The following KCNQ1 variants were observed in gnomAD, a reference collection of about 807,000 sequenced individuals.
The protein encoded by KCNQ1 is potassium voltage-gated channel subfamily Q member 1.
In KCNQ1, 49 loss-of-function variants were observed where a neutral mutation model predicts 72.4. That is an observed-to-expected ratio of 0.68 (90% CI 0.54 to 0.86). KCNQ1 has a LOEUF of 0.86. Ranked by LOEUF, KCNQ1 falls within the 40% of genes least tolerant of loss-of-function variation. The probability of loss-of-function intolerance (pLI) is 0.00; values close to 1 mark genes in which losing one functional copy is unlikely to be tolerated. For synonymous variants in KCNQ1, 450 were observed against 412.6 expected (o/e 1.09, Z -1.10); for missense variants, 790 against 945.1 (o/e 0.84, Z 2.15).
rs1847775118 is a variant in KCNQ1, at chr11:2,538,688, G to A, written c.477+10670G>A. Among the ~76,000 whole-genome samples the A allele has an allele frequency of 6.6e-6, 1 of 151,878 alleles. No individual in the cohort carries two copies. Among genetic ancestry groups the A allele is most frequent in the Non-Finnish European group, 1.5e-5 (1 of 67,972 alleles). ...GAGTATACGGGGCCTTGTGTGTGGA[G>A]GGGCCCTACGGTGAATCGTTTTCTG... On this transcript the variant is annotated intron_variant, in intron 2 of 15. Transcript: ENST00000155840. This position sits in a 1 kb window ranked among gnomAD's most constrained non-coding sequence, Gnocchi z 6.7.
intron 15 of KCNQ1, among the ~76,000 whole-genome samples, chr11:2,801,380 G>A (rs891379212): frequency 2.0e-5 from 3 of 152,216 alleles, no homozygotes; most frequent in African/African-American, 7.2e-5. Flanking sequence ...CAGCAGCAAA[G>A]GCTTCAGACC....
intron 15 of KCNQ1, among the ~76,000 whole-genome samples, chr11:2,791,901 G>T (rs760614052): frequency 6.6e-6 from 1 of 152,240 alleles, no homozygotes; most frequent in African/African-American, 2.4e-5. Flanking sequence ...CGCGGCGCAC[G>T]GCCGTCCCTG....
At chr11:2,660,600 A>G (rs1260129075) in intron 10 of KCNQ1, 3 of 398,522 alleles carry the variant, frequency 7.5e-6, no homozygotes, top group Non-Finnish European at 1.3e-5. Flanking sequence ...GAGGAAACCC[A>G]AACAGATGCC....
At chr11:2,731,846 C>T (rs772258223) in intron 11 of KCNQ1, among the ~76,000 whole-genome samples, 3 of 152,252 alleles carry the variant, frequency 2.0e-5, no homozygotes, top group Non-Finnish European at 4.4e-5. Context: ...CGTCTGATCA[C>T]ACCACTGCAG....
chr11:2,623,375 T>C lies in KCNQ1; in HGVS notation c.1393+34521T>C. 2.5e-6 allele frequency: 1 copy of C among 398,622 alleles called. No homozygotes were observed. Among genetic ancestry groups the C allele is most frequent in the Non-Finnish European group, 4.4e-6 (1 of 226,056 alleles). The allele number at this position is 398,622 out of a possible 1,614,324, so 24.7% of individuals were successfully genotyped here. Reference sequence around the variant, plus strand: ...TCATACAGATACGTATATTTACATATATTTGTACATTTTCACTGCCCTAAA... The same window carrying C: ...TCATACAGATACGTATATTTACATACATTTGTACATTTTCACTGCCCTAAA... On this transcript the variant is annotated intron_variant, in intron 10 of 15. Transcript: ENST00000155840. The surrounding 1 kb of genome is among the most constrained non-coding windows in gnomAD (Gnocchi z 5.2).
intron 9 of KCNQ1, among the ~76,000 whole-genome samples, chr11:2,587,920 G>A (rs1051757234): frequency 3.3e-5 from 5 of 152,314 alleles, no homozygotes; most frequent in East Asian, 3.9e-4. Context: ...CAGGGCCAGG[G>A]CATGAGAGCT....
In KCNQ1 at chr11:2,676,191, G is replaced by A. The variant is rs1850291214; in HGVS notation, c.1514+14110G>A. ...TGCCTTTGACTTCTTCCATAGGTAT[G>A]CCATACTTCTTTTTGAGCTGTACAT... On this transcript the variant is annotated intron_variant, in intron 11 of 15. Transcript: ENST00000155840. This position sits in a 1 kb window ranked among gnomAD's most constrained non-coding sequence, Gnocchi z 4.2. 1 of 398,666 alleles carries A rather than the reference G, an allele frequency of 2.5e-6. No individual in the cohort carries two copies. The highest frequency in any genetic ancestry group is 4.4e-6 in the Non-Finnish European group (1 of 226,076). The allele number at this position is 398,666 out of a possible 1,614,324, so 24.7% of individuals were successfully genotyped here.
chr11:2,796,986 T>C (rs1005056968), intron 15 of KCNQ1, among the ~76,000 whole-genome samples: 8 of 152,106 alleles, frequency 5.3e-5, no homozygotes, highest in African/African-American at 1.9e-4. Context: ...AGAGGCGAAA[T>C]TAGATCCGTG....
At chr11:2,520,248 G>C (rs1847358618) in intron 1 of KCNQ1, among the ~76,000 whole-genome samples, 2 of 152,244 alleles carry the variant, frequency 1.3e-5, no homozygotes, top group Non-Finnish European at 2.9e-5. Context: ...GACCAGACGT[G>C]CCTCACCAGG....
Position 2,505,220 on chromosome 11 carries a change from G to GC in KCNQ1, c.387-22702dup, listed in dbSNP as rs562756198. Among the ~76,000 whole-genome samples, 381 of 151,962 alleles carry GC rather than the reference G, an allele frequency of 2.5e-3. 1 individual carries two copies. Among genetic ancestry groups the GC allele is most frequent in the African/African-American group, 9.0e-3 (372 of 41,454 alleles). On this transcript the variant is annotated intron_variant, in intron 1 of 15. Coordinates refer to ENST00000155840, the MANE Select transcript of KCNQ1 (RefSeq NM_000218.3). ...TTATTCTGATGCTCTCTCTCCCTCT[G>GC]CCCCCCTTTTTCTTTGATTCATTGG...
At chr11:2,594,637 C>T (rs867070684) in intron 10 of KCNQ1, among the ~76,000 whole-genome samples, 2 of 152,174 alleles carry the variant, frequency 1.3e-5, no homozygotes, top group African/African-American at 4.8e-5. Context: ...CAGTTTCTAA[C>T]TCTTGAGATG....
intron 15 of KCNQ1, among the ~76,000 whole-genome samples, chr11:2,778,608 CACCCTGGGAGCTGCCGGGGGATCTG>C (rs1176672250): frequency 1.3e-5 from 2 of 150,874 alleles, no homozygotes; most frequent in Admixed American, 1.3e-4. Context: ...CTCCCCCAGG[CACCCTGGGAGCTGCCGGGGGATCTG>C]GGCGGTGGGA....
intron 11 of KCNQ1, among the ~76,000 whole-genome samples, chr11:2,714,562 A>C (rs532701064): frequency 6.6e-6 from 1 of 152,012 alleles, no homozygotes; most frequent in East Asian, 2.0e-4. Context: ...TCACAGCTGC[A>C]GGGAGTGTTG....
rs1364236499 is a variant in KCNQ1, at chr11:2,621,300, T to C, written c.1393+32446T>C. The C allele has an allele frequency of 1.0e-5, 4 of 398,432 alleles. No homozygotes were observed. The highest frequency in any genetic ancestry group is 8.2e-5 in the African/African-American group (4 of 48,630). 24.7% of individuals were successfully genotyped at this position (398,432 alleles called of 1,614,324 possible). A position where few individuals can be genotyped will look rare whatever the true frequency, so the allele number is the denominator to read the frequency against. On this transcript the variant is annotated intron_variant, in intron 10 of 15. Transcript: ENST00000155840. This position sits in a 1 kb window ranked among gnomAD's most constrained non-coding sequence, Gnocchi z 5.7. ...GCCTCATTATTTGCATTTCTGATTATTAGTGATCATGAGAATGTTTTTTTG... is the reference window on the plus strand; with the variant it reads ...GCCTCATTATTTGCATTTCTGATTACTAGTGATCATGAGAATGTTTTTTTG...
chr11:2,576,322 T>C (rs561342387), intron 6 of KCNQ1, among the ~76,000 whole-genome samples: 212 of 152,304 alleles, frequency 1.4e-3, no homozygotes, highest in African/African-American at 4.7e-3. Context: ...GCAACTTGGA[T>C]GTGAGAACTC....
chr11:2,675,977 C>A, intron 11 of KCNQ1: 1 of 398,642 alleles, frequency 2.5e-6, no homozygotes, highest in Non-Finnish European at 4.4e-6. Context: ...TGAAAAATAA[C>A]ACTCTCCCCA....
Position 2,623,515 on chromosome 11 carries a change from A to G in KCNQ1, c.1393+34661A>G. 1 of 398,630 alleles carries G rather than the reference A, an allele frequency of 2.5e-6. No individual in the cohort carries two copies. 24.7% of individuals were successfully genotyped at this position (398,630 alleles called of 1,614,324 possible). On this transcript the variant is annotated intron_variant, in intron 10 of 15. Coordinates refer to ENST00000155840, the MANE Select transcript of KCNQ1 (RefSeq NM_000218.3). The surrounding 1 kb of genome is among the most constrained non-coding windows in gnomAD (Gnocchi z 5.2). Reference sequence around the variant, plus strand: ...TCTAAAATGCAATATGATTGGAATCATACAGTATGTAGTTTCTTCAGATTG... The same window carrying G: ...TCTAAAATGCAATATGATTGGAATCGTACAGTATGTAGTTTCTTCAGATTG...
intron 11 of KCNQ1, among the ~76,000 whole-genome samples, chr11:2,722,452 A>G (rs952231314): frequency 3.9e-5 from 6 of 152,166 alleles, no homozygotes; most frequent in Non-Finnish European, 8.8e-5. Flanking sequence ...TCAGGGATCA[A>G]GGAGGACCTC....
chr11:2,620,948 GT>G lies in KCNQ1; in HGVS notation c.1393+32103del, dbSNP rs58203092. The G allele has an allele frequency of 6.8e-3, 2,629 of 386,620 alleles. 39 individuals carry two copies. The highest frequency in any genetic ancestry group is 0.038 in the African/African-American group (1,812 of 47,568). The allele number at this position is 386,620 out of a possible 1,614,324, so 23.9% of individuals were successfully genotyped here. A position where few individuals can be genotyped will look rare whatever the true frequency, so the allele number is the denominator to read the frequency against. Reference sequence around the variant, plus strand: ...TTTTTTGTTGTTGTTGTTTTGTTTTGTTTTTTTTTGTCTGTTTTTTGCTTTT... The same window carrying G: ...TTTTTTGTTGTTGTTGTTTTGTTTTGTTTTTTTTGTCTGTTTTTTGCTTTT... On this transcript the variant is annotated intron_variant, in intron 10 of 15. Coordinates refer to ENST00000155840, the MANE Select transcript of KCNQ1 (RefSeq NM_000218.3). The surrounding 1 kb of genome is among the most constrained non-coding windows in gnomAD (Gnocchi z 4.5).
Sources: allele counts gnomAD v4.1 joint callset (sites outside exome capture counted in the v4.1 genomes callset), GRCh38; gene constraint gnomAD v4.1.1; non-coding constraint Gnocchi (gnomAD v3.1); transcripts MANE v1.5; gene names NCBI Gene and HGNC (gene_info 2026-07-23, HGNC 2026-07-21).